Variants in ZCCHC2 observed in about 807,000 individuals in gnomAD.
ZCCHC2 encodes the protein zinc finger CCHC domain-containing protein 2.
A neutral mutation model predicts 103.6 loss-of-function variants in ZCCHC2; 39 were observed. The ratio of observed to expected loss-of-function variants is 0.38; its 90% CI spans 0.29 to 0.49. ZCCHC2 has a LOEUF of 0.49. Ranked by LOEUF, ZCCHC2 falls within the 20% of genes least tolerant of loss-of-function variation. The pLI, the probability that ZCCHC2 is intolerant of heterozygous loss-of-function variation, is 0.96. For synonymous variants in ZCCHC2, 687 were observed against 608.9 expected, an observed-to-expected ratio of 1.13 and a Z score of -1.89; for missense variants, 1,483 against 1,491.0, an observed-to-expected ratio of 0.99 and a Z score of 0.09.
chr18:62,563,080 A>C lies in ZCCHC2; in HGVS notation c.1622A>C (p.Asp541Ala), dbSNP rs1916196699. The C allele has an allele frequency of 6.2e-7, 1 of 1,613,868 alleles. No individual in the cohort carries two copies. Among genetic ancestry groups the C allele is most frequent in the Admixed American group, 1.7e-5 (1 of 59,998 alleles). The stretch of plus-strand genomic sequence containing the variant: ...TATTCTGAACAGAATGGAATTGTGG[A>C]TTGGAGGAAGCAAAGCTGTACCACC... The part of the protein sequence containing the change: ...MQYSEQNGIV[D>A]WRKQSCTTIQ... The change falls in exon 9 of 14, where the codon GAT (aspartate) becomes GCT (alanine). Residue 541 changes from aspartate (D) to alanine (A), a missense_variant. Coordinates refer to ENST00000269499, the MANE Select transcript of ZCCHC2 (RefSeq NM_017742.6).
intron 1 of ZCCHC2, among the ~76,000 whole-genome samples, chr18:62,536,569 A>C (rs112965130): frequency 2.0e-5 from 3 of 152,126 alleles, no homozygotes; most frequent in Non-Finnish European, 4.4e-5. Context: ...CATCCCCCTA[A>C]GGAAAGTAAA....
chr18:62,528,222 C>G (rs1219985336), intron 1 of ZCCHC2, among the ~76,000 whole-genome samples: 1 of 152,240 alleles, frequency 6.6e-6, no homozygotes, highest in Non-Finnish European at 1.5e-5. Flanking sequence ...ACTCACAAAA[C>G]ATATTTGAGT....
At chr18:62,565,944 T>C (rs1916344820) in intron 11 of ZCCHC2, among the ~76,000 whole-genome samples, 1 of 152,128 alleles carries the variant, frequency 6.6e-6, no homozygotes, top group Admixed American at 6.5e-5. Flanking sequence ...TAGTTACCTT[T>C]TGAATCTGAA....
chr18:62,530,526 T>TA (rs2145486518), intron 1 of ZCCHC2, among the ~76,000 whole-genome samples: 1 of 152,310 alleles, frequency 6.6e-6, no homozygotes, highest in African/African-American at 2.4e-5. Context: ...GTTTTTTTTT[T>TA]AACCTAATAA....
chr18:62,560,416 GT>G (rs755583942), intron 7 of ZCCHC2, 170 bp from the exon 8 acceptor site: 3 of 455,290 alleles, frequency 6.6e-6, no homozygotes. Flanking sequence ...GTAATTCAGA[GT>G]TTACTGTGTT....
At chr18:62,561,546 G>A (rs1916117742) in intron 8 of ZCCHC2, among the ~76,000 whole-genome samples, 1 of 152,176 alleles carries the variant, frequency 6.6e-6, no homozygotes, top group African/African-American at 2.4e-5. Flanking sequence ...ATTCTGGGAG[G>A]GCCCAGAAGC....
chr18:62,573,903 C>T (rs556900087), intron 12 of ZCCHC2, among the ~76,000 whole-genome samples, 154 bp from the exon 13 acceptor site: 2 of 152,192 alleles, frequency 1.3e-5, no homozygotes, highest in South Asian at 2.1e-4. Flanking sequence ...CATAGAAAGC[C>T]GAAAGTTAAA....
chr18:62,526,824 C>A (rs952232510), intron 1 of ZCCHC2: 1 of 151,638 alleles, frequency 6.6e-6, no homozygotes, highest in Non-Finnish European at 1.5e-5. Flanking sequence ...CGGCCGCGCG[C>A]GCCTCCCACG....
intron 2 of ZCCHC2, among the ~76,000 whole-genome samples, chr18:62,540,435 C>CT (rs555817088): frequency 0.11 from 14,928 of 141,370 alleles, 1,433 homozygotes; most frequent in African/African-American, 0.26. Context: ...ATTATGTCTC[C>CT]TTTTTTTTTT....
Position 62,560,636 on chromosome 18 carries a change from C to T in ZCCHC2, c.1542C>T (p.Pro514=), listed in dbSNP as rs761685230. 2.7e-5 allele frequency: 44 copies of T among 1,612,644 alleles called. No homozygotes were observed. The highest frequency in any genetic ancestry group is 3.7e-5 in the Non-Finnish European group (44 of 1,179,112). ...ACAAGAAGCATACTGGGAAAAGTCC[C>T]ATTGTGAAGTAAGTATCCTCTTTCT... The part of the protein sequence containing the change: ...IIHKKHTGKS[P]IVNNIGTSCS... Residue 514 remains proline, a synonymous_variant, in exon 8 of 14, where the codon CCC becomes CCT. Transcript: ENST00000269499.
At chr18:62,540,187 A>C (rs904721205) in intron 2 of ZCCHC2, among the ~76,000 whole-genome samples, 4 of 152,340 alleles carry the variant, frequency 2.6e-5, no homozygotes, top group Admixed American at 1.3e-4. Flanking sequence ...TTACTTACAA[A>C]TCCATTCTTC....
At chr18:62,557,062 C>T (rs1915915907) in intron 6 of ZCCHC2, among the ~76,000 whole-genome samples, 1 of 152,190 alleles carries the variant, frequency 6.6e-6, no homozygotes, top group African/African-American at 2.4e-5. Context: ...TGTCATAGCC[C>T]ATTAAAATCA....
In ZCCHC2 at chr18:62,570,125, T is replaced by C. The variant is rs757742035; in HGVS notation, c.1869T>C (p.Ser623=). ...TVKDVNLDIG[S]GHDTCGETSS... ...TAGATGTGAATTTGGACATTGGCTC[T>C]GGACATGACACATGTGGAGAAACAT... Residue 623 remains serine (S), a synonymous_variant, in exon 12 of 14, where the codon TCT becomes TCC. Transcript: ENST00000269499. 2 of 1,610,436 alleles carry C rather than the reference T, an allele frequency of 1.2e-6. No individual in the cohort carries two copies. Among genetic ancestry groups the C allele is most frequent in the Middle Eastern group, 3.3e-4 (2 of 6,056 alleles).
At chr18:62,570,935 G>A (rs550904242) in intron 12 of ZCCHC2, among the ~76,000 whole-genome samples, 1 of 152,302 alleles carries the variant, frequency 6.6e-6, no homozygotes, top group East Asian at 1.9e-4. Flanking sequence ...AGCAGTGAGA[G>A]CTTAGGGCCT....
Position 62,577,779 on chromosome 18 carries a change from G to A in ZCCHC2, c.*1200G>A, listed in dbSNP as rs1347302144. ...AAAAAAAAAAAAGTTTTTTTAAAAA[G>A]CCAATCTATGTACTAAATTGCTTCC... On this transcript the variant is annotated 3_prime_UTR_variant, in exon 14 of 14. Transcript: ENST00000269499. 1 of 152,148 alleles carries A rather than the reference G, an allele frequency of 6.6e-6. No homozygotes were observed. The highest frequency in any genetic ancestry group is 6.6e-5 in the Admixed American group (1 of 15,246). The allele number at this position is 152,148 out of a possible 1,614,324, so 9.4% of individuals were successfully genotyped here.
At chr18:62,544,479 G>A (rs563536398) in intron 3 of ZCCHC2, among the ~76,000 whole-genome samples, 1 of 152,186 alleles carries the variant, frequency 6.6e-6, no homozygotes, top group Non-Finnish European at 1.5e-5. Context: ...ACTGTCAAAA[G>A]TGTCATTTTA....
At chr18:62,527,268 T>C (rs1710433) in intron 1 of ZCCHC2, among the ~76,000 whole-genome samples, 1 of 152,096 alleles carries the variant, frequency 6.6e-6, no homozygotes, top group Non-Finnish European at 1.5e-5. Context: ...GCTTGTCTAT[T>C]AAAAAATTTA....
intron 1 of ZCCHC2, chr18:62,526,948 C>G (rs1221698383): frequency 4.3e-5 from 6 of 139,394 alleles, no homozygotes; most frequent in Non-Finnish European, 9.1e-5. Flanking sequence ...GTGGATGCTG[C>G]GCTGGGCCGT....
In ZCCHC2 at chr18:62,523,376, G is replaced by GCGGGGCCC; in HGVS notation, c.-48_-47insGGGGCCCC. ...GCCTCGGCCCGTGCTCCACCTCGCG[G>GCGGGGCCC]CCCCTCCCGCCCGCCCCCGCTCGCA... is the stretch of plus-strand genomic sequence containing the variant. On this transcript the variant is annotated 5_prime_UTR_variant, in exon 1 of 14. Coordinates refer to ENST00000269499, the MANE Select transcript of ZCCHC2 (RefSeq NM_017742.6). 3 of 1,012,352 alleles carry GCGGGGCCC rather than the reference G, an allele frequency of 3.0e-6. No individual in the cohort carries two copies. Among genetic ancestry groups the GCGGGGCCC allele is most frequent in the Non-Finnish European group, 3.5e-6 (3 of 848,988 alleles). 62.7% of individuals were successfully genotyped at this position (1,012,352 alleles called of 1,614,324 possible). A position where few individuals can be genotyped will look rare whatever the true frequency, so the allele number is the denominator to read the frequency against.
Sources: allele counts gnomAD v4.1 joint callset (sites outside exome capture counted in the v4.1 genomes callset), GRCh38; gene constraint gnomAD v4.1.1; transcripts MANE v1.5; gene names NCBI Gene and HGNC (gene_info 2026-07-23, HGNC 2026-07-21).